The following ARPC1B variants were observed in gnomAD, a reference collection of about 807,000 sequenced individuals.
ARPC1B encodes actin-related protein 2/3 complex subunit 1B.
ARPC1B carries 29 observed loss-of-function variants against 46.0 expected under a neutral mutation model. That is an observed-to-expected ratio of 0.63 (90% CI 0.47 to 0.86). The LOEUF is 0.86. Among genes scored for constraint, ARPC1B ranks in the 40% least tolerant of loss-of-function variants. ARPC1B has a pLI of 0.00. For synonymous variants in ARPC1B, 201 were observed against 213.9 expected (o/e 0.94, Z 0.53); for missense variants, 469 against 529.4 (o/e 0.89, Z 1.12).
In ARPC1B at chr7:99,385,900, C is replaced by G. The variant is rs1320038203; in HGVS notation, c.64+122C>G. The G allele has an allele frequency of 5.9e-6, 6 of 1,020,212 alleles. No individual in the cohort carries two copies. In the African/African-American group the frequency reaches 9.6e-5, roughly 16 times the overall value. 63.2% of individuals were successfully genotyped at this position (1,020,212 alleles called of 1,614,324 possible). A position where few individuals can be genotyped will look rare whatever the true frequency, so the allele number is the denominator to read the frequency against. On this transcript the variant is annotated intron_variant, in intron 2 of 9. Coordinates refer to ENST00000646101, the MANE Select transcript of ARPC1B (RefSeq NM_005720.4). The stretch of plus-strand genomic sequence containing the variant: ...CGGACCATGGGCTCCATGTGGCTGT[C>G]CCCTGGCCTCACCCCTGGGTCTTCC...
chr7:99,394,194 A>G lies in ARPC1B; in HGVS notation c.1080+75A>G, dbSNP rs1024299370. 5 of 1,491,120 alleles carry G rather than the reference A, an allele frequency of 3.4e-6. No individual in the cohort carries two copies. In the African/African-American group the frequency reaches 6.9e-5, roughly 21 times the overall value. The allele number at this position is 1,491,120 out of a possible 1,614,324, so 92.4% of individuals were successfully genotyped here. ...TTCCCCCCATCCCCACTCCCTGGAG[A>G]TGACCCCCATCCTTCACTCCTGCAG... On this transcript the variant is annotated intron_variant, in intron 9 of 9. Transcript: ENST00000646101.
intron 4 of ARPC1B, chr7:99,388,938 T>TC (rs1302915045): frequency 6.8e-6 from 1 of 146,772 alleles, no homozygotes; most frequent in East Asian, 2.0e-4. Flanking sequence ...GCCAATTTTT[T>TC]TTTTTTTTTT....
At chr7:99,393,321 A>G (rs1032799938) in intron 8 of ARPC1B, among the ~76,000 whole-genome samples, 4 of 152,200 alleles carry the variant, frequency 2.6e-5, no homozygotes, top group Non-Finnish European at 5.9e-5. Context: ...TTGCATAAAA[A>G]TAGCATCAGA....
At chr7:99,393,791 A>G (rs375857593) in intron 8 of ARPC1B, among the ~76,000 whole-genome samples, 3 of 151,784 alleles carry the variant, frequency 2.0e-5, no homozygotes, top group Admixed American at 6.6e-5. Context: ...CACTGTGTAC[A>G]CTCCGCAGAC....
At position 99,390,569 on chromosome 7, in the gene ARPC1B, G is replaced by A. The variant is rs147384696; in HGVS notation, c.501-324G>A. On this transcript the variant is annotated intron_variant, in intron 5 of 9. Transcript: ENST00000646101. Reference sequence around the variant, plus strand: ...TTTTTGTATTTTTAAATGTAGAGACGGGTTTTCACCATGTTGGCCAGACTG... The same window carrying A: ...TTTTTGTATTTTTAAATGTAGAGACAGGTTTTCACCATGTTGGCCAGACTG... Among the ~76,000 whole-genome samples, 855 of 151,306 alleles carry A rather than the reference G, an allele frequency of 5.7e-3. 6 individuals carry two copies. The highest frequency in any genetic ancestry group is 0.02 in the African/African-American group (823 of 41,206).
chr7:99,392,676 C>T lies in ARPC1B; in HGVS notation c.789C>T (p.His263=), dbSNP rs1794606362. 4 of 1,526,432 alleles carry T rather than the reference C, an allele frequency of 2.6e-6. No homozygotes were observed. The Admixed American group carries it at 8.0e-5, about 31-fold the overall frequency. 94.6% of individuals were successfully genotyped at this position (1,526,432 alleles called of 1,614,324 possible). The change falls in exon 8 of 10, where the codon CAC becomes CAT. Residue 263 remains histidine (H), a synonymous_variant. Transcript: ENST00000646101. ...GGCCCCCGCCCTCCGCGCAGGGCCA[C>T]GACTGCTTCCCGGTGCTGTTCACCT... is the stretch of plus-strand genomic sequence containing the variant. ...ITDNSLVAAG[H]DCFPVLFTYD...
intron 3 of ARPC1B, among the ~76,000 whole-genome samples, chr7:99,387,698 G>A (rs1794436002): frequency 6.9e-6 from 1 of 145,552 alleles, no homozygotes; most frequent in Non-Finnish European, 1.5e-5. Flanking sequence ...GATCGTGCCA[G>A]TGCACTCCAG....
intron 4 of ARPC1B, 69 bp downstream of exon 4, chr7:99,388,330 G>A (rs1190725609): frequency 1.4e-6 from 2 of 1,480,960 alleles, no homozygotes; most frequent in African/African-American, 1.4e-5. Flanking sequence ...TCCCCGGGAA[G>A]CACCAAATGG....
chr7:99,394,071 G>A lies in ARPC1B; in HGVS notation c.1032G>A (p.Gln344=), dbSNP rs774814643. Residue 344 remains glutamine (Q), a synonymous_variant, in exon 9 of 10, where the codon CAG becomes CAA. Transcript: ENST00000646101. ...VLSGGKAKCS[Q]FCTTGMDGGM... ...GCGGCGGCAAGGCCAAGTGCTCGCAGTTCTGCACCACTGGCATGGATGGCG... is the reference window on the plus strand; with the variant it reads ...GCGGCGGCAAGGCCAAGTGCTCGCAATTCTGCACCACTGGCATGGATGGCG... 1 of 1,613,650 alleles carries A rather than the reference G, an allele frequency of 6.2e-7. No homozygotes were observed. Among genetic ancestry groups the A allele is most frequent in the South Asian group, 1.1e-5 (1 of 91,090 alleles).
chr7:99,392,715 G>A lies in ARPC1B; in HGVS notation c.828G>A (p.Ala276=), dbSNP rs961098058. Residue 276 remains alanine, a synonymous_variant, in exon 8 of 10, where the codon GCG becomes GCA. Coordinates refer to ENST00000646101, the MANE Select transcript of ARPC1B (RefSeq NM_005720.4). ...FPVLFTYDAA[A]GMLSFGGRLD... ...TGCTGTTCACCTATGACGCCGCCGC[G>A]GGGATGCTGAGCTTCGGCGGGCGGC... is the stretch of plus-strand genomic sequence containing the variant. 12 of 1,547,112 alleles carry A rather than the reference G, an allele frequency of 7.8e-6. No homozygotes were observed. The African/African-American group carries it at 1.2e-4, about 16-fold the overall frequency.
At chr7:99,380,695 G>A (rs1469875456) in intron 1 of ARPC1B, among the ~76,000 whole-genome samples, 1 of 152,230 alleles carries the variant, frequency 6.6e-6, no homozygotes, top group African/African-American at 2.4e-5. Flanking sequence ...ACTCCGTCTT[G>A]ACAGCCAGGG....
chr7:99,378,895 G>A (rs1266818894), intron 1 of ARPC1B, among the ~76,000 whole-genome samples: 1 of 142,658 alleles, frequency 7.0e-6, no homozygotes, highest in Admixed American at 7.3e-5. Flanking sequence ...TCTTGCCTCA[G>A]CCTCCCGAGT....
In ARPC1B at chr7:99,392,821, G is replaced by C. The variant is rs776752736; in HGVS notation, c.934G>C (p.Glu312Gln). 19 of 1,550,274 alleles carry C rather than the reference G, an allele frequency of 1.2e-5. No individual in the cohort carries two copies. The highest frequency in any genetic ancestry group is 9.8e-5 in the East Asian group (4 of 40,946). ...GAACCTGGACAAGAAGGCGAGCTCC[G>C]AGGGTGGCACGGCTGCGGGCGCGGG... ...FQNLDKKASS[E>Q]GGTAAGAGLD... The change falls in exon 8 of 10, where the codon GAG becomes CAG. Residue 312 changes from glutamate (E) to glutamine (Q), a missense_variant. Coordinates refer to ENST00000646101, the MANE Select transcript of ARPC1B (RefSeq NM_005720.4).
chr7:99,382,691 C>CT (rs1205999650), intron 1 of ARPC1B, among the ~76,000 whole-genome samples: 2 of 152,078 alleles, frequency 1.3e-5, no homozygotes, highest in African/African-American at 4.8e-5. Context: ...CCATGCTTGT[C>CT]TTGAACTTCT....
intron 4 of ARPC1B, chr7:99,389,609 G>A: frequency 3.0e-6 from 1 of 330,928 alleles, no homozygotes; most frequent in South Asian, 3.6e-5. Flanking sequence ...TCCCACCATG[G>A]CCAGTTAGTA....
rs773085531 is a variant in ARPC1B, at chr7:99,394,779, T to TAAA, written c.*310_*312dup. ...GTGGAGGTAATAAAATGCAACTGTG[T>TAAA]AAAAAAAAAAAAAAAAAAAAAAGTA... On this transcript the variant is annotated 3_prime_UTR_variant, in exon 10 of 10. Coordinates refer to ENST00000646101, the MANE Select transcript of ARPC1B (RefSeq NM_005720.4). 2.9e-3 allele frequency: 2,752 copies of TAAA among 953,912 alleles called. 10 individuals are homozygous for TAAA. The highest frequency in any genetic ancestry group is 0.018 in the African/African-American group (758 of 42,628). The allele number at this position is 953,912 out of a possible 1,614,324, so 59.1% of individuals were successfully genotyped here. A position where few individuals can be genotyped will look rare whatever the true frequency, so the allele number is the denominator to read the frequency against.
At chr7:99,380,405 C>CGCCCCCTTAACACTTCTTT (rs1261112688) in intron 1 of ARPC1B, among the ~76,000 whole-genome samples, 1 of 152,078 alleles carries the variant, frequency 6.6e-6, no homozygotes, top group Non-Finnish European at 1.5e-5. Context: ...TCCTGTCTCT[C>CGCCCCCTTAACACTTCTTT]GCCCCCTTAA....
chr7:99,387,773 A>C lies in ARPC1B; in HGVS notation c.170-266A>C, dbSNP rs2404323. 5.5e-5 allele frequency among the ~76,000 whole-genome samples: 8 copies of C among 145,356 alleles called. No homozygotes were observed. The East Asian group carries it at 1.4e-3, about 26-fold the overall frequency. On this transcript the variant is annotated intron_variant, in intron 3 of 9. Coordinates refer to ENST00000646101, the MANE Select transcript of ARPC1B (RefSeq NM_005720.4). ...AAAAAAAAAAAGATTGGTGGTACAC[A>C]CCTGTAGTCCCGGCTACTCAGGAGG... is the stretch of plus-strand genomic sequence containing the variant.
chr7:99,387,251 G>A (rs1794420517), intron 3 of ARPC1B, among the ~76,000 whole-genome samples: 1 of 152,124 alleles, frequency 6.6e-6, no homozygotes, highest in South Asian at 2.1e-4. Flanking sequence ...AGACCATCCT[G>A]GCCAACATGA....
Sources: gnomAD v4.1 joint callset for allele counts (sites outside exome capture counted in the v4.1 genomes callset) on GRCh38, gnomAD v4.1.1 for gene constraint, MANE v1.5 for transcripts, NCBI Gene and HGNC (gene_info 2026-07-23, HGNC 2026-07-21) for gene names.